ZHX3: variants seen among roughly 807,000 people sequenced by gnomAD.
The protein encoded by ZHX3 is zinc fingers and homeoboxes protein 3.
ZHX3 carries 20 observed loss-of-function variants against 64.5 expected under a neutral mutation model. That is an observed-to-expected ratio of 0.31 (90% CI 0.22 to 0.45). ZHX3 has a LOEUF of 0.45. Ranked by LOEUF, ZHX3 falls within the 20% of genes least tolerant of loss-of-function variation. The pLI is 1.00. For synonymous variants in ZHX3, 423 were observed against 461.6 expected (o/e 0.92, Z 1.07); for missense variants, 1,041 against 1,195.8 (o/e 0.87, Z 1.91).
At chr20:41,268,035 C>T (rs773005425) in intron 2 of ZHX3, among the ~76,000 whole-genome samples, 65 of 152,206 alleles carry the variant, frequency 4.3e-4, no homozygotes, top group Non-Finnish European at 6.9e-4. Flanking sequence ...CAATCCATTA[C>T]TGAAGCATAG....
chr20:41,205,559 G>A (rs563996922), intron 2 of ZHX3, among the ~76,000 whole-genome samples: 15 of 149,878 alleles, frequency 1.0e-4, no homozygotes, highest in South Asian at 2.2e-4. Flanking sequence ...GTGTGTGAAC[G>A]GAAGGGGTGG....
rs182098267 is a variant in ZHX3, at chr20:41,184,473, G to A, written c.*718C>T. 4 of 163,708 alleles carry A rather than the reference G, an allele frequency of 2.4e-5. No individual in the cohort carries two copies. The highest frequency in any genetic ancestry group is 9.6e-5 in the African/African-American group (4 of 41,684). 10.1% of individuals were successfully genotyped at this position (163,708 alleles called of 1,614,324 possible). A position where few individuals can be genotyped will look rare whatever the true frequency, so the allele number is the denominator to read the frequency against. On this transcript the variant is annotated 3_prime_UTR_variant, in exon 4 of 4. Coordinates refer to ENST00000683867, the MANE Select transcript of ZHX3 (RefSeq NM_001384317.1). ...GCAGAATTACGGTAACAACTAAAGA[G>A]AATGGTAAAGCATCCAACGCTAATC...
At chr20:41,188,532 C>G (rs923013607) in intron 3 of ZHX3, 1 of 151,862 alleles carries the variant, frequency 6.6e-6, no homozygotes, top group Non-Finnish European at 1.5e-5. Flanking sequence ...ACTTCAGCCT[C>G]CTGAGTAGCT....
intron 2 of ZHX3, among the ~76,000 whole-genome samples, chr20:41,234,477 T>C (rs2040829708): frequency 6.6e-6 from 1 of 152,172 alleles, no homozygotes; most frequent in South Asian, 2.1e-4. Context: ...TTTATACACA[T>C]AAACCAACTC....
chr20:41,312,183 C>A (rs1265203442), intron 1 of ZHX3, among the ~76,000 whole-genome samples: 2 of 151,884 alleles, frequency 1.3e-5, no homozygotes, highest in African/African-American at 2.4e-5. Flanking sequence ...ACGCACCAAT[C>A]GGCACCCTGT....
intron 2 of ZHX3, among the ~76,000 whole-genome samples, chr20:41,218,252 T>G (rs1416270100): frequency 6.6e-6 from 1 of 152,166 alleles, no homozygotes; most frequent in Non-Finnish European, 1.5e-5. Context: ...GAGAACAGCC[T>G]GGGCAACATA....
chr20:41,314,336 A>G (rs1224119288), intron 1 of ZHX3, among the ~76,000 whole-genome samples: 1 of 152,232 alleles, frequency 6.6e-6, no homozygotes, highest in Non-Finnish European at 1.5e-5. Context: ...AATTAAGTAT[A>G]CCTGCTAGGC....
Position 41,227,441 on chromosome 20 carries a change from G to A in ZHX3, c.-150-22375C>T, listed in dbSNP as rs551289143. The stretch of plus-strand genomic sequence containing the variant: ...CCAACAACTATTTATCAGGAATGAA[G>A]TACATATATCTCCCTATTCGCATCT... On this transcript the variant is annotated intron_variant, in intron 2 of 3. Transcript: ENST00000683867. Among the ~76,000 whole-genome samples, 4 of 152,282 alleles carry A rather than the reference G, an allele frequency of 2.6e-5. No homozygotes were observed. In the East Asian group the frequency reaches 7.7e-4, roughly 29 times the overall value.
rs368747405 is a variant in ZHX3 at position 41,229,292 on chromosome 20, T to C, written c.-150-24226A>G. Among the ~76,000 whole-genome samples the C allele has an allele frequency of 2.0e-5, 3 of 152,170 alleles. No individual in the cohort carries two copies. The East Asian group carries it at 5.8e-4, about 29-fold the overall frequency. ...TATCCCCCTGTATGTATATACAACATTTTATCCATCTATCAATGAACACTT... is the reference window on the plus strand; with the variant it reads ...TATCCCCCTGTATGTATATACAACACTTTATCCATCTATCAATGAACACTT... On this transcript the variant is annotated intron_variant, in intron 2 of 3. Coordinates refer to ENST00000683867, the MANE Select transcript of ZHX3 (RefSeq NM_001384317.1).
intron 2 of ZHX3, among the ~76,000 whole-genome samples, chr20:41,259,249 G>C (rs926639959): frequency 6.6e-6 from 1 of 152,122 alleles, no homozygotes; most frequent in African/African-American, 2.4e-5. Flanking sequence ...TTGTAAATCT[G>C]ATCTATAGAC....
intron 2 of ZHX3, among the ~76,000 whole-genome samples, chr20:41,252,865 C>T (rs1221830576): frequency 6.6e-6 from 1 of 152,192 alleles, no homozygotes; most frequent in South Asian, 2.1e-4. Context: ...AAACTGAAAA[C>T]TCTGGCCAGG....
Position 41,204,783 on chromosome 20 carries a change from G to A in ZHX3, c.134C>T (p.Ala45Val), listed in dbSNP as rs953996609. 3 of 1,613,780 alleles carry A rather than the reference G, an allele frequency of 1.9e-6. No homozygotes were observed. In the African/African-American group the frequency reaches 4.0e-5, roughly 22 times the overall value. ...EGPQQDLPPE[A>V]SAASSEAAQN... ...TGCTGCCTCACTGCTGGCAGCAGAT[G>A]CTTCTGGGGGCAGATCCTGCTGGGG... Residue 45 changes from alanine to valine, a missense_variant, in exon 3 of 4, where the codon GCA (alanine) becomes GTA (valine). Around this residue, in one of 4 missense-constraint regions of ZHX3, gnomAD observed 358 missense variants for 369.1 expected, o/e 0.97. Transcript: ENST00000683867. The surrounding 1 kb of genome is among the most constrained non-coding windows in gnomAD (Gnocchi z 6.6).
At chr20:41,269,857 A>G (rs1356168736) in intron 1 of ZHX3, among the ~76,000 whole-genome samples, 1 of 151,446 alleles carries the variant, frequency 6.6e-6, no homozygotes, top group Non-Finnish European at 1.5e-5. Context: ...ACGAGCATCC[A>G]TGAATGTACA....
intron 2 of ZHX3, among the ~76,000 whole-genome samples, chr20:41,222,981 C>T (rs2146341847): frequency 6.6e-6 from 1 of 151,802 alleles, no homozygotes; most frequent in South Asian, 2.1e-4. Flanking sequence ...GTTCCTTTTA[C>T]CTCTTCCAGG....
chr20:41,307,066 C>T (rs938887939), intron 1 of ZHX3, among the ~76,000 whole-genome samples: 2 of 152,204 alleles, frequency 1.3e-5, no homozygotes, highest in Non-Finnish European at 2.9e-5. Flanking sequence ...GAATCCACTC[C>T]ATGGCAGGAA....
chr20:41,247,093 T>G (rs920316549), intron 2 of ZHX3, among the ~76,000 whole-genome samples: 5 of 152,000 alleles, frequency 3.3e-5, no homozygotes, highest in African/African-American at 1.2e-4. Flanking sequence ...AAACCTTGTC[T>G]CTACAAAAAT....
chr20:41,196,480 T>TAA (rs1211333829), intron 3 of ZHX3, among the ~76,000 whole-genome samples: 319 of 1,204 alleles, frequency 0.26, 17 homozygotes, highest in East Asian at 0.55. Flanking sequence ...TATATTTATA[T>TAA]ATTATAAATA....
intron 2 of ZHX3, among the ~76,000 whole-genome samples, chr20:41,250,406 A>C (rs1481547831): frequency 6.6e-6 from 1 of 152,208 alleles, no homozygotes; most frequent in African/African-American, 2.4e-5. Flanking sequence ...CCTGTTGGCC[A>C]GGCGTGGTAG....
chr20:41,202,060 G>A lies in ZHX3; in HGVS notation c.2857C>T (p.Leu953Phe). ...DTSSPQAGRQ[L>F]ETD ...ATGGCCCCTGTGGACTCCTTACCGAGCTGACGTCCAGCCTGGGGACTCGAT... is the reference window on the plus strand; with the variant it reads ...ATGGCCCCTGTGGACTCCTTACCGAACTGACGTCCAGCCTGGGGACTCGAT... The change falls in exon 3 of 4, where the codon CTC (leucine) becomes TTC (phenylalanine). Residue 953 changes from leucine (L) to phenylalanine (F), a missense_variant. Around this residue, in one of 4 missense-constraint regions of ZHX3, gnomAD observed 649 missense variants for 739.8 expected, o/e 0.88. Coordinates refer to ENST00000683867, the MANE Select transcript of ZHX3 (RefSeq NM_001384317.1). This position sits in a 1 kb window ranked among gnomAD's most constrained non-coding sequence, Gnocchi z 7.0. 1 of 1,592,222 alleles carries A rather than the reference G, an allele frequency of 6.3e-7. No individual in the cohort carries two copies. Among genetic ancestry groups the A allele is most frequent in the South Asian group, 1.1e-5 (1 of 87,188 alleles).
Sources: gnomAD v4.1 joint callset for allele counts (sites outside exome capture counted in the v4.1 genomes callset) on GRCh38, gnomAD v4.1.1 for gene constraint, gnomAD v4.1.1 regional missense constraint, Gnocchi (gnomAD v3.1) non-coding constraint, MANE v1.5 for transcripts, NCBI Gene and HGNC (gene_info 2026-07-23, HGNC 2026-07-21) for gene names.